The following PPIH variants were observed in gnomAD, a reference collection of about 807,000 sequenced individuals.
PPIH encodes the protein peptidylprolyl isomerase H.
A neutral mutation model predicts 27.6 loss-of-function variants in PPIH; 16 were observed. The observed-to-expected ratio is 0.58, with a 90% CI of 0.39 to 0.88. The LOEUF (loss-of-function observed/expected upper bound fraction) is 0.88. PPIH is among the 40% of genes least tolerant of loss of function. The pLI is 0.00. For missense variants in PPIH, 155 were observed against 224.1 expected (o/e 0.69, Z 1.97); for synonymous variants, 63 against 76.1 (o/e 0.83, Z 0.90).
At chr1:42,672,207 G>A (rs183159824) in intron 9 of PPIH, among the ~76,000 whole-genome samples, 12 of 152,170 alleles carry the variant, frequency 7.9e-5, no homozygotes, top group Admixed American at 4.6e-4. Context: ...ATACTTTAAC[G>A]TTCATACGGA....
downstream of PPIH, among the ~76,000 whole-genome samples, chr1:42,680,001 C>T (rs1649981045): frequency 6.6e-6 from 1 of 152,174 alleles, no homozygotes; most frequent in Admixed American, 6.5e-5. Context: ...ATGTGTCAGG[C>T]ACTAAGATGC....
chr1:42,666,627 G>A (rs1649352876), intron 8 of PPIH, 40 bp downstream of exon 8: 13 of 1,597,996 alleles, frequency 8.1e-6, no homozygotes, highest in Non-Finnish European at 1.1e-5. Flanking sequence ...CTGCCATTGT[G>A]GTCTGGTACT....
In PPIH at chr1:42,665,975, A is replaced by C; in HGVS notation, c.337-5A>C. On this transcript the variant is annotated splice_polypyrimidine_tract_variant and splice_region_variant and intron_variant, in intron 6 of 9. Coordinates refer to ENST00000304979, the MANE Select transcript of PPIH (RefSeq NM_006347.4). The stretch of plus-strand genomic sequence containing the variant: ...CTTACTGCAGGTATATTTGGTTTCC[A>C]TCAGGCGAACAGTGGTCCAAGTACA... The C allele has an allele frequency of 6.2e-7, 1 of 1,613,886 alleles. No individual in the cohort carries two copies. Among genetic ancestry groups the C allele is most frequent in the Non-Finnish European group, 8.5e-7 (1 of 1,179,740 alleles).
At chr1:42,663,204 A>T (rs1017545365) in intron 5 of PPIH, among the ~76,000 whole-genome samples, 1 of 152,192 alleles carries the variant, frequency 6.6e-6, no homozygotes, top group Non-Finnish European at 1.5e-5. Flanking sequence ...AGTTAATGAC[A>T]TATTAGCTTA....
chr1:42,669,917 A>G (rs1387402819), intron 9 of PPIH, among the ~76,000 whole-genome samples: 2 of 152,188 alleles, frequency 1.3e-5, no homozygotes, highest in African/African-American at 4.8e-5. Flanking sequence ...TAGTGTTAAG[A>G]TAGGACTTTT....
chr1:42,673,266 T>G (rs531612080), intron 9 of PPIH, among the ~76,000 whole-genome samples: 1 of 152,356 alleles, frequency 6.6e-6, no homozygotes, highest in South Asian at 2.1e-4. Flanking sequence ...ATTACAGGCA[T>G]GAACCACCGT....
chr1:42,667,555 A>G (rs1190958259), intron 9 of PPIH, 115 bp downstream of exon 9: 4 of 809,156 alleles, frequency 4.9e-6, no homozygotes, highest in East Asian at 5.4e-5. Flanking sequence ...TCCTCCGTGT[A>G]TGGCCTTGGA....
chr1:42,675,823 T>C (rs976865814), intron 9 of PPIH, among the ~76,000 whole-genome samples: 7 of 152,168 alleles, frequency 4.6e-5, no homozygotes, highest in African/African-American at 1.7e-4. Context: ...GGAAGAAGGA[T>C]TGCTTTTTGT....
At chr1:42,680,529 AG>A (rs1341957492), downstream of PPIH, among the ~76,000 whole-genome samples, 2 of 152,170 alleles carry the variant, frequency 1.3e-5, no homozygotes, top group African/African-American at 4.8e-5. Flanking sequence ...GACTACCCTA[AG>A]GGTAATAGTA....
downstream of PPIH, among the ~76,000 whole-genome samples, chr1:42,679,974 G>C (rs1649980743): frequency 6.6e-6 from 1 of 152,174 alleles, no homozygotes; most frequent in Non-Finnish European, 1.5e-5. Flanking sequence ...CTCATTTAAC[G>C]AATCTTTTAA....
At chr1:42,667,795 T>C (rs528654736) in intron 9 of PPIH, among the ~76,000 whole-genome samples, 1 of 152,328 alleles carries the variant, frequency 6.6e-6, no homozygotes, top group South Asian at 2.1e-4. Flanking sequence ...AAGACCTGGC[T>C]CCAGGCCTGA....
chr1:42,675,951 C>T (rs1332775251), intron 9 of PPIH, among the ~76,000 whole-genome samples: 1 of 152,150 alleles, frequency 6.6e-6, no homozygotes, highest in African/African-American at 2.4e-5. Context: ...GCCATGAAAC[C>T]CCTTGGGACC....
At chr1:42,679,396 G>T (rs1345814320), downstream of PPIH, among the ~76,000 whole-genome samples, 1 of 152,114 alleles carries the variant, frequency 6.6e-6, no homozygotes, top group Non-Finnish European at 1.5e-5. Flanking sequence ...TGCCACGTTG[G>T]CCGGGCTGGT....
At chr1:42,676,108 G>A (rs1649868633) in intron 9 of PPIH, among the ~76,000 whole-genome samples, 1 of 152,206 alleles carries the variant, frequency 6.6e-6, no homozygotes, top group Admixed American at 6.5e-5. Flanking sequence ...GGGACCTAAA[G>A]GTCTGACCTA....
rs562422412 is a variant in PPIH, at chr1:42,672,729, C to T, written c.*22-3855C>T. On this transcript the variant is annotated intron_variant, in intron 9 of 9. Transcript: ENST00000304979. ...TGGCACGATCTCAGCTCACTGCAACCTCCGCCTCCCAGGTTCAAGCGATTC... is the reference window on the plus strand; with the variant it reads ...TGGCACGATCTCAGCTCACTGCAACTTCCGCCTCCCAGGTTCAAGCGATTC... Among the ~76,000 whole-genome samples, 3 of 152,148 alleles carry T rather than the reference C, an allele frequency of 2.0e-5. No homozygotes were observed. In the South Asian group the frequency reaches 6.2e-4, roughly 32 times the overall value.
At chr1:42,675,201 G>A (rs1025671991) in intron 9 of PPIH, 24 of 152,226 alleles carry the variant, frequency 1.6e-4, no homozygotes, top group African/African-American at 5.5e-4. Flanking sequence ...CCTTATTTAA[G>A]CTTGAATTTT....
Position 42,667,401 on chromosome 1 carries a change from G to A in PPIH, c.516G>A (p.Ser172=), listed in dbSNP as rs1311818768. 5 of 1,606,154 alleles carry A rather than the reference G, an allele frequency of 3.1e-6. No homozygotes were observed. The highest frequency in any genetic ancestry group is 1.7e-5 in the Admixed American group (1 of 59,992). ...NNKPKLPVVI[S]QCGEM is the part of the protein sequence containing the mutation. The stretch of plus-strand genomic sequence containing the variant: ...AGCCCAAGCTACCTGTGGTGATCTC[G>A]CAGTGTGGGGAGATGTAGTCCAGAC... The change falls in exon 9 of 10, where the codon TCG becomes TCA. Residue 172 remains serine, a synonymous_variant. Transcript: ENST00000304979.
downstream of PPIH, among the ~76,000 whole-genome samples, chr1:42,679,462 C>T (rs1457610756): frequency 6.6e-6 from 1 of 152,214 alleles, no homozygotes; most frequent in Non-Finnish European, 1.5e-5. Flanking sequence ...AGTGCTGAGG[C>T]ATGAGCCACC....
chr1:42,680,925 T>C (rs562550224), downstream of PPIH, among the ~76,000 whole-genome samples: 32 of 152,252 alleles, frequency 2.1e-4, no homozygotes, highest in Non-Finnish European at 3.4e-4. Flanking sequence ...TTGGTGATGA[T>C]GGCCTACAGT....
Sources: gnomAD v4.1 joint callset for allele counts (sites outside exome capture counted in the v4.1 genomes callset) on GRCh38, gnomAD v4.1.1 for gene constraint, MANE v1.5 for transcripts, NCBI Gene and HGNC (gene_info 2026-07-23, HGNC 2026-07-21) for gene names.